Variants in TUBB3 observed in about 807,000 individuals in gnomAD.
The protein encoded by TUBB3 is tubulin beta-3 chain.
Under a neutral mutation model 37.8 loss-of-function variants are expected in TUBB3, and 17 were observed. That is an observed-to-expected ratio of 0.45 (90% CI 0.31 to 0.67). TUBB3 has a LOEUF of 0.67. TUBB3 is among the 30% of genes least tolerant of loss of function. The pLI is 0.07. For missense variants in TUBB3, 262 were observed against 657.9 expected, an observed-to-expected ratio of 0.40 and a Z score of 6.58; for synonymous variants, 332 against 278.9, an observed-to-expected ratio of 1.19 and a Z score of -1.90.
At chr16:89,924,435 C>T (rs74415461) in intron 1 of TUBB3, among the ~76,000 whole-genome samples, 6,588 of 148,596 alleles carry the variant, frequency 0.044, 191 homozygotes, top group Non-Finnish European at 0.073. Flanking sequence ...AAAGGATCTG[C>T]CCTCCGAACA....
chr16:89,922,072 C>A, upstream of TUBB3: 1 of 152,868 alleles, frequency 6.5e-6, no homozygotes. Flanking sequence ...TAGACCCCAG[C>A]AGCAGCCACA....
chr16:89,923,651 C>G (rs912050295), intron 1 of TUBB3, among the ~76,000 whole-genome samples, 193 bp downstream of exon 1: 1 of 152,198 alleles, frequency 6.6e-6, no homozygotes, highest in Non-Finnish European at 1.5e-5. Context: ...CTGCCCCTGC[C>G]CAGGTGACCT....
intron 1 of TUBB3, among the ~76,000 whole-genome samples, chr16:89,929,670 C>T (rs1252793911): frequency 1.3e-5 from 2 of 152,166 alleles, no homozygotes; most frequent in Non-Finnish European, 2.9e-5. Context: ...ACCAGAGGCA[C>T]CCACGCATAG....
rs376693354 is a variant in TUBB3, at chr16:89,930,151, C to G, written c.58-2420C>G. 1.4e-4 allele frequency among the ~76,000 whole-genome samples: 22 copies of G among 151,804 alleles called. No individual in the cohort carries two copies. In the East Asian group the frequency reaches 4.3e-3, roughly 29 times the overall value. On this transcript the variant is annotated intron_variant, in intron 1 of 3. Coordinates refer to ENST00000315491, the MANE Select transcript of TUBB3 (RefSeq NM_006086.4). ...TGACAGTCTCGCACTATTGCCCAGG[C>G]TGGAGTGCAGTGGCGCGATCTCGAC...
chr16:89,926,205 G>T (rs111398992), intron 1 of TUBB3, among the ~76,000 whole-genome samples: 17,389 of 152,234 alleles, frequency 0.11, 1,090 homozygotes, highest in Middle Eastern at 0.13. Context: ...AGCGGCGGAG[G>T]GGGGAGCCTT....
chr16:89,931,182 G>T (rs1441533985), intron 1 of TUBB3, among the ~76,000 whole-genome samples: 1 of 152,030 alleles, frequency 6.6e-6, no homozygotes, highest in African/African-American at 2.4e-5. Context: ...GCGCATCTTT[G>T]TCTACACTCC....
rs1451676166 is a variant in TUBB3 at position 89,934,784 on chromosome 16, G to A, written c.333G>A (p.Glu111=). Residue 111 remains glutamate (E), a synonymous_variant, in exon 4 of 4, where the codon GAG becomes GAA. Coordinates refer to ENST00000315491, the MANE Select transcript of TUBB3 (RefSeq NM_006086.4). The stretch of plus-strand genomic sequence containing the variant: ...AGGGTCACTACACGGAGGGGGCGGA[G>A]CTGGTGGATTCGGTCCTGGATGTGG... ...WAKGHYTEGA[E]LVDSVLDVVR... The A allele has an allele frequency of 6.2e-7, 1 of 1,614,164 alleles. No individual in the cohort carries two copies. Among genetic ancestry groups the A allele is most frequent in the South Asian group, 1.1e-5 (1 of 91,080 alleles).
At chr16:89,922,307 T>C (rs901178271), upstream of TUBB3, 1 of 152,364 alleles carries the variant, frequency 6.6e-6, no homozygotes, top group African/African-American at 2.4e-5. Context: ...GTGGGGTTCG[T>C]CTGTACATCG....
At chr16:89,930,473 G>C (rs2030244348) in intron 1 of TUBB3, among the ~76,000 whole-genome samples, 1 of 151,790 alleles carries the variant, frequency 6.6e-6, no homozygotes, top group Non-Finnish European at 1.5e-5. Flanking sequence ...GCCCACGCTG[G>C]AGTACAGTGG....
chr16:89,932,169 C>G, intron 1 of TUBB3: 1 of 329,456 alleles, frequency 3.0e-6, no homozygotes, highest in Admixed American at 4.2e-5. Flanking sequence ...CTGTGGGTGT[C>G]TCTACCCGCT....
In TUBB3 at chr16:89,926,283, C is replaced by T. The variant is rs1422182040; in HGVS notation, c.57+2825C>T. Among the ~76,000 whole-genome samples, 7 of 152,218 alleles carry T rather than the reference C, an allele frequency of 4.6e-5. No homozygotes were observed. In the South Asian group the frequency reaches 6.2e-4, roughly 13 times the overall value. ...GGGCGGGGCTGGGGGCGGGGCCTGG[C>T]CGTCTCAGCCAATGGGAGGCGGAGT... On this transcript the variant is annotated intron_variant, in intron 1 of 3. Coordinates refer to ENST00000315491, the MANE Select transcript of TUBB3 (RefSeq NM_006086.4).
chr16:89,928,319 C>G (rs184003017), intron 1 of TUBB3, among the ~76,000 whole-genome samples: 84 of 151,560 alleles, frequency 5.5e-4, no homozygotes, highest in African/African-American at 1.7e-3. Context: ...GCCTCCCAAA[C>G]TGCTGGGATT....
intron 1 of TUBB3, chr16:89,931,895 G>A: frequency 2.6e-6 from 1 of 390,518 alleles, no homozygotes. Context: ...ACCCCTGGGA[G>A]CTGAGACGAT....
At chr16:89,932,702 C>G (rs1269167819) in intron 2 of TUBB3, 23 bp downstream of exon 2, 5 of 1,592,278 alleles carry the variant, frequency 3.1e-6, no homozygotes, top group Non-Finnish European at 4.3e-6. Context: ...CCCAGCCTCC[C>G]TATCCCAGCC....
chr16:89,931,683 G>A (rs1220068256), intron 1 of TUBB3: 1 of 195,846 alleles, frequency 5.1e-6, no homozygotes, highest in Non-Finnish European at 1.1e-5. Flanking sequence ...TTGTACAGAT[G>A]AGGACACTGA....
chr16:89,926,658 C>T (rs1314184574), intron 1 of TUBB3, among the ~76,000 whole-genome samples: 2 of 152,258 alleles, frequency 1.3e-5, no homozygotes, highest in African/African-American at 4.8e-5. Context: ...ACTGCAGCCT[C>T]GGCCTCCCGA....
At chr16:89,932,014 T>C in intron 1 of TUBB3, 1 of 276,138 alleles carries the variant, frequency 3.6e-6, no homozygotes, top group South Asian at 3.3e-5. Flanking sequence ...AGACTGGCTC[T>C]CAGAGTCCCT....
At chr16:89,934,243 G>A (rs913418998) in intron 3 of TUBB3, 2 of 444,984 alleles carry the variant, frequency 4.5e-6, no homozygotes, top group Admixed American at 2.4e-5. Context: ...TGGATGCCAC[G>A]TTCCCATGTC....
In TUBB3 at chr16:89,933,360, C is replaced by A. The variant is rs1444819151; in HGVS notation, c.167-108C>A. 6.3e-6 allele frequency: 6 copies of A among 947,456 alleles called. No homozygotes were observed. The Admixed American group carries it at 1.0e-4, about 16-fold the overall frequency. The allele number at this position is 947,456 out of a possible 1,614,324, so 58.7% of individuals were successfully genotyped here. A position where few individuals can be genotyped will look rare whatever the true frequency, so the allele number is the denominator to read the frequency against. The stretch of plus-strand genomic sequence containing the variant: ...GGACTCTGACTTCAGAGTACAGGCT[C>A]TTAGGATGTGAGCAGGAGGATGGCA... On this transcript the variant is annotated intron_variant, in intron 2 of 3. Coordinates refer to ENST00000315491, the MANE Select transcript of TUBB3 (RefSeq NM_006086.4).
Sources: allele counts gnomAD v4.1 joint callset (sites outside exome capture counted in the v4.1 genomes callset), GRCh38; gene constraint gnomAD v4.1.1; transcripts MANE v1.5; gene names NCBI Gene and HGNC (gene_info 2026-07-23, HGNC 2026-07-21).